ITGA7: variants seen among roughly 807,000 people sequenced by gnomAD.
ITGA7 encodes the protein integrin alpha-7.
A neutral mutation model predicts 131.6 loss-of-function variants in ITGA7; 84 were observed. The ratio of observed to expected loss-of-function variants is 0.64; its 90% confidence interval spans 0.54 to 0.77. The LOEUF is 0.77. Ranked by LOEUF, ITGA7 falls within the 30% of genes least tolerant of loss-of-function variation. The pLI, the probability that ITGA7 is intolerant of heterozygous loss-of-function variation, is 0.00. For synonymous variants in ITGA7, 548 were observed against 600.7 expected (o/e 0.91, Z 1.28); for missense variants, 1,399 against 1,482.9 (o/e 0.94, Z 0.93).
In ITGA7 at chr12:55,701,101, C is replaced by A. The variant is rs1193499832; in HGVS notation, c.468G>T (p.Thr156=). 1 of 1,614,122 alleles carries A rather than the reference C, an allele frequency of 6.2e-7. No homozygotes were observed. Among genetic ancestry groups the A allele is most frequent in the Non-Finnish European group, 8.5e-7 (1 of 1,180,056 alleles). Reference sequence around the variant, plus strand: ...CAAAGCAGCGACCAATCATATCCCGCGTCTCCAGGATCTGGTCCACTCGCT... The same window carrying A: ...CAAAGCAGCGACCAATCATATCCCGAGTCTCCAGGATCTGGTCCACTCGCT... The part of the protein sequence containing the change: ...ARQRVDQILE[T]RDMIGRCFVL... The change falls in exon 4 of 25, where the codon ACG becomes ACT. Residue 156 remains threonine, a synonymous_variant. Transcript: ENST00000257879.
At position 55,707,835 on chromosome 12, in the gene ITGA7, CGCCGCTCCG is replaced by C; in HGVS notation, c.-162_-154del. On this transcript the variant is annotated 5_prime_UTR_variant, in exon 1 of 25. Transcript: ENST00000257879. Reference sequence around the variant, plus strand: ...CGCCCCGCCAGCCCTCCCGCCCGCCCGCCGCTCCGCCACCCCGCCGCCCCAGCACCGGCT... The same window carrying C: ...CGCCCCGCCAGCCCTCCCGCCCGCCCCCACCCCGCCGCCCCAGCACCGGCT... The C allele has an allele frequency of 3.4e-6, 5 of 1,467,736 alleles. No homozygotes were observed. The highest frequency in any genetic ancestry group is 4.5e-6 in the Non-Finnish European group (5 of 1,110,326). 90.9% of individuals were successfully genotyped at this position (1,467,736 alleles called of 1,614,324 possible).
chr12:55,712,656 T>C (rs1876218948), upstream of ITGA7, among the ~76,000 whole-genome samples: 1 of 152,212 alleles, frequency 6.6e-6, no homozygotes, highest in Non-Finnish European at 1.5e-5. Flanking sequence ...ATTCTCCAGA[T>C]AGATATGTAT....
intron 4 of ITGA7, chr12:55,700,306 T>A (rs1239117631): frequency 6.2e-7 from 1 of 1,609,950 alleles, no homozygotes; most frequent in African/African-American, 1.3e-5. Context: ...GGGGTCCTGC[T>A]CCTTCTCTCC....
chr12:55,707,113 G>A (rs1044772501), intron 1 of ITGA7, among the ~76,000 whole-genome samples: 2 of 152,206 alleles, frequency 1.3e-5, no homozygotes, highest in Admixed American at 6.5e-5. Context: ...TCTAAGCAGA[G>A]ACAGACAGTC....
intron 1 of ITGA7, 99 bp from the exon 2 acceptor site, chr12:55,703,277 G>A: frequency 7.4e-7 from 1 of 1,345,166 alleles, no homozygotes; most frequent in Non-Finnish European, 1.0e-6. Flanking sequence ...CAGTACTAAA[G>A]AGAGTGTTCA....
intron 13 of ITGA7, 82 bp downstream of exon 13, chr12:55,696,201 G>A: frequency 1.4e-6 from 2 of 1,424,834 alleles, no homozygotes; most frequent in Non-Finnish European, 1.9e-6. Flanking sequence ...TCTGTGAGCT[G>A]TGAATTGGTG....
At position 55,697,519 on chromosome 12, in the gene ITGA7, A is replaced by G; in HGVS notation, c.1437T>C (p.His479=). The change falls in exon 10 of 25, where the codon CAT becomes CAC. Residue 479 remains histidine (H), a synonymous_variant. Coordinates refer to ENST00000257879, the MANE Select transcript of ITGA7 (RefSeq NM_002206.3). ...FRARPILHVS[H]EVSIAPRSID... ...TGCTTCGTGGAGCAATAGAGACCTC[A>G]TGGGAGACATGGAGGATGGGTCTGG... 1.2e-6 allele frequency: 2 copies of G among 1,614,062 alleles called. No individual in the cohort carries two copies. Among genetic ancestry groups the G allele is most frequent in the Non-Finnish European group, 1.7e-6 (2 of 1,180,006 alleles).
rs778664097 is a variant in ITGA7, at chr12:55,703,187, T to C, written c.207-9A>G. Reference sequence around the variant, plus strand: ...GAGCACCCACCAGCAGCCTGCAAGATGGGGCAGGGGCAGGGACAGGGACAG... The same window carrying C: ...GAGCACCCACCAGCAGCCTGCAAGACGGGGCAGGGGCAGGGACAGGGACAG... On this transcript the variant is annotated splice_polypyrimidine_tract_variant and intron_variant, in intron 1 of 24. Transcript: ENST00000257879. 5 of 1,607,998 alleles carry C rather than the reference T, an allele frequency of 3.1e-6. No homozygotes were observed. Among genetic ancestry groups the C allele is most frequent in the South Asian group, 2.2e-5 (2 of 91,000 alleles).
At chr12:55,702,999 C>A in intron 2 of ITGA7, 48 bp from the exon 3 acceptor site, 1 of 1,613,538 alleles carries the variant, frequency 6.2e-7, no homozygotes, top group South Asian at 1.1e-5. Flanking sequence ...GAGCCCAAGT[C>A]CTCTCCTCCC....
upstream of ITGA7, among the ~76,000 whole-genome samples, chr12:55,709,920 A>G (rs900396273): frequency 2.6e-5 from 4 of 152,206 alleles, no homozygotes; most frequent in Non-Finnish European, 5.9e-5. Context: ...TAGCCTGGCT[A>G]TAAATAGAGG....
rs1305196493 is a variant in ITGA7 at position 55,693,163 on chromosome 12, G to A, written c.2690C>T (p.Pro897Leu). The A allele has an allele frequency of 2.5e-6, 4 of 1,613,840 alleles. No homozygotes were observed. The Admixed American group carries it at 5.0e-5, about 20-fold the overall frequency. Residue 897 changes from proline (P) to leucine (L), a missense_variant, in exon 20 of 25, where the codon CCC (proline) becomes CTC (leucine). Physicochemically the swap from Pro to Leu is moderately conservative, Grantham distance 98. Transcript: ENST00000257879. ...QGPGQKGLCS[P>L]RPNILHLDVD... is the part of the protein sequence containing the mutation. The stretch of plus-strand genomic sequence containing the variant: ...CACCAGGTGGAGGATGTTGGGCCTG[G>A]GAGAGCAAAGCCCTTTCTGCCCAGG...
At position 55,700,390 on chromosome 12, in the gene ITGA7, G is replaced by A. The variant is rs756277234; in HGVS notation, c.671-401C>T. ...CTGTGCACAGAGCTCCACCCTGGCC[G>A]TGCCTGCAAGGACAGACCTGTTAGT... On this transcript the variant is annotated intron_variant, in intron 4 of 24. Coordinates refer to ENST00000257879, the MANE Select transcript of ITGA7 (RefSeq NM_002206.3). 5.0e-5 allele frequency: 81 copies of A among 1,605,746 alleles called. No individual in the cohort carries two copies. The highest frequency in any genetic ancestry group is 6.9e-5 in the Admixed American group (4 of 58,372).
At chr12:55,699,209 G>A (rs557319349) in intron 5 of ITGA7, among the ~76,000 whole-genome samples, 1 of 152,316 alleles carries the variant, frequency 6.6e-6, no homozygotes, top group South Asian at 2.1e-4. Flanking sequence ...CAGGGACTGG[G>A]CAAGAGAGAG....
chr12:55,697,627 A>AG, intron 9 of ITGA7, 68 bp downstream of exon 9: 1 of 1,612,800 alleles, frequency 6.2e-7, no homozygotes, highest in East Asian at 2.2e-5. Context: ...TTTGGCACTG[A>AG]GGTCGGGGTC....
At chr12:55,697,607 C>T (rs1872935848) in intron 9 of ITGA7, 61 bp from the exon 10 acceptor site, 5 of 1,610,948 alleles carry the variant, frequency 3.1e-6, no homozygotes, top group Non-Finnish European at 4.2e-6. Context: ...AAACACTCTT[C>T]AGCATTAGAT....
Position 55,685,090 on chromosome 12 carries a change from G to A in ITGA7, c.3382C>T (p.Pro1128Ser). 3.7e-6 allele frequency: 6 copies of A among 1,603,488 alleles called. No homozygotes were observed. Among genetic ancestry groups the A allele is most frequent in the Non-Finnish European group, 5.1e-6 (6 of 1,176,404 alleles). Reference protein sequence around the residue: ...LAADGHPELGPDGHPGPGTA With the variant: ...LAADGHPELGSDGHPGPGTA ...GTGCCTGGCCCTGGATGCCCATCGG[G>A]GCCCAGCTCGGGATGCCCGTCAGCA... The change falls in exon 25 of 25, where the codon CCC becomes TCC. Residue 1128 changes from proline to serine, a missense_variant. Pro to Ser is a moderately conservative substitution (Grantham distance 74, BLOSUM62 -1). Transcript: ENST00000257879.
intron 1 of ITGA7, among the ~76,000 whole-genome samples, chr12:55,704,114 C>G (rs1246738844): frequency 6.6e-6 from 1 of 152,240 alleles, no homozygotes; most frequent in Admixed American, 6.5e-5. Flanking sequence ...TGACACCCAG[C>G]TGGCTCCATG....
intron 3 of ITGA7, 45 bp downstream of exon 3, chr12:55,702,827 A>G (rs1173668432): frequency 6.5e-7 from 1 of 1,531,472 alleles, no homozygotes; most frequent in Non-Finnish European, 9.0e-7. Flanking sequence ...ACACACACAC[A>G]CACACACCCC....
In ITGA7 at chr12:55,688,892, C is replaced by A. The variant is rs747407695; in HGVS notation, c.2910G>T (p.Ala970=). 1.2e-6 allele frequency: 2 copies of A among 1,614,010 alleles called. No individual in the cohort carries two copies. The highest frequency in any genetic ancestry group is 1.7e-6 in the Non-Finnish European group (2 of 1,179,978). ...GACGGCCCCAGACATGCAGCACAGCCGCGCGGTCAAAGCTGTAGAGTGGGC... is the reference window on the plus strand; with the variant it reads ...GACGGCCCCAGACATGCAGCACAGCAGCGCGGTCAAAGCTGTAGAGTGGGC... ...FSCPLYSFDR[A]AVLHVWGRLW... is the part of the protein sequence containing the mutation. The change falls in exon 22 of 25, where the codon GCG becomes GCT. Residue 970 remains alanine, a synonymous_variant. Transcript: ENST00000257879.
Sources: allele counts gnomAD v4.1 joint callset (sites outside exome capture counted in the v4.1 genomes callset), GRCh38; gene constraint gnomAD v4.1.1; transcripts MANE v1.5; gene names NCBI Gene and HGNC (gene_info 2026-07-23, HGNC 2026-07-21).